The following MAP3K21 variants were observed in gnomAD, a reference collection of about 807,000 sequenced individuals.
MAP3K21 encodes mitogen-activated protein kinase kinase kinase MLK4.
In MAP3K21, 63 loss-of-function variants were observed where a neutral mutation model predicts 86.1. The observed-to-expected ratio is 0.73, with a 90% confidence interval of 0.60 to 0.90. The LOEUF (loss-of-function observed/expected upper bound fraction) is 0.90. Among genes scored for constraint, MAP3K21 ranks in the 40% least tolerant of loss-of-function variants. The probability of loss-of-function intolerance (pLI) is 0.00; values close to 1 mark genes in which losing one functional copy is unlikely to be tolerated. For synonymous variants in MAP3K21, 558 were observed against 564.8 expected (o/e 0.99, Z 0.17); for missense variants, 1,220 against 1,367.7 (o/e 0.89, Z 1.70).
Position 233,328,277 on chromosome 1 carries a change from C to T in MAP3K21, c.249C>T (p.Gly83=). 1 of 1,489,598 alleles carries T rather than the reference C, an allele frequency of 6.7e-7. No individual in the cohort carries two copies. Among genetic ancestry groups the T allele is most frequent in the Admixed American group, 2.2e-5 (1 of 44,892 alleles). The allele number at this position is 1,489,598 out of a possible 1,614,324, so 92.3% of individuals were successfully genotyped here. A position where few individuals can be genotyped will look rare whatever the true frequency, so the allele number is the denominator to read the frequency against. Reference sequence around the variant, plus strand: ...CGGGCGACGAGGGCTGGTGGGCAGGCCAGGTGCAGCGGCGCCTCGGCATCT... The same window carrying T: ...CGGGCGACGAGGGCTGGTGGGCAGGTCAGGTGCAGCGGCGCCTCGGCATCT... ...AVSGDEGWWA[G]QVQRRLGIFP... is the part of the protein sequence containing the mutation. The change falls in exon 1 of 10, where the codon GGC becomes GGT. Residue 83 remains glycine (G), a synonymous_variant. Transcript: ENST00000366624. This position sits in a 1 kb window ranked among gnomAD's most constrained non-coding sequence, Gnocchi z 8.7.
At chr1:233,332,162 G>T (rs1662817981) in intron 1 of MAP3K21, among the ~76,000 whole-genome samples, 2 of 152,100 alleles carry the variant, frequency 1.3e-5, no homozygotes, top group Admixed American at 1.3e-4. Flanking sequence ...GGGCCTCAGG[G>T]ACACTGGCAA....
chr1:233,332,302 A>G (rs1209527383), intron 1 of MAP3K21, among the ~76,000 whole-genome samples: 1 of 152,088 alleles, frequency 6.6e-6, no homozygotes, highest in Non-Finnish European at 1.5e-5. Flanking sequence ...AGGGGTGGAG[A>G]GTGGTAGAGT....
At chr1:233,355,795 T>G (rs575863792) in intron 4 of MAP3K21, among the ~76,000 whole-genome samples, 2 of 152,170 alleles carry the variant, frequency 1.3e-5, no homozygotes, top group African/African-American at 4.8e-5. Context: ...TTTTCTGCCC[T>G]AATCCCTGCC....
chr1:233,361,911 T>A, intron 4 of MAP3K21, 142 bp from the exon 5 acceptor site: 4 of 1,054,916 alleles, frequency 3.8e-6, no homozygotes. Context: ...TGACCAGGGC[T>A]TGAGCAGAGG....
Position 233,328,820 on chromosome 1 carries a change from C to G in MAP3K21, c.792C>G (p.Leu264=). ...EAFVPILHRD[L]KSSNILLLEK... The stretch of plus-strand genomic sequence containing the variant: ...TCGTGCCCATCCTGCACCGGGACCT[C>G]AAGTCCAGCAACAGTAAGTGGGGCC... The change falls in exon 1 of 10, where the codon CTC becomes CTG. Residue 264 remains leucine (L), a synonymous_variant. Transcript: ENST00000366624. This position sits in a 1 kb window ranked among gnomAD's most constrained non-coding sequence, Gnocchi z 8.7. 6.6e-7 allele frequency: 1 copy of G among 1,524,344 alleles called. No homozygotes were observed. The highest frequency in any genetic ancestry group is 8.8e-7 in the Non-Finnish European group (1 of 1,134,496). The allele number at this position is 1,524,344 out of a possible 1,614,324, so 94.4% of individuals were successfully genotyped here. A position where few individuals can be genotyped will look rare whatever the true frequency, so the allele number is the denominator to read the frequency against.
chr1:233,351,960 C>T (rs944874243), intron 2 of MAP3K21, among the ~76,000 whole-genome samples: 12 of 152,156 alleles, frequency 7.9e-5, no homozygotes, highest in Admixed American at 3.9e-4. Flanking sequence ...GCAATCACAG[C>T]GCACTGCAGC....
chr1:233,377,018 C>A (rs981381457), intron 8 of MAP3K21, among the ~76,000 whole-genome samples: 6 of 152,016 alleles, frequency 3.9e-5, no homozygotes, highest in Admixed American at 3.9e-4. Context: ...TCACTTGCAC[C>A]TGGGAGCCAG....
At chr1:233,361,828 T>C (rs2102758487) in intron 4 of MAP3K21, among the ~76,000 whole-genome samples, 1 of 152,306 alleles carries the variant, frequency 6.6e-6, no homozygotes, top group Non-Finnish European at 1.5e-5. Flanking sequence ...GTCATCTAAG[T>C]GAATAATCCG....
chr1:233,378,246 T>A (rs1348648229), intron 8 of MAP3K21, among the ~76,000 whole-genome samples: 1 of 152,256 alleles, frequency 6.6e-6, no homozygotes, highest in Non-Finnish European at 1.5e-5. Flanking sequence ...GTGATAAGAA[T>A]GTTAGCTTCC....
chr1:233,339,364 TCC>T (rs1662987879), intron 1 of MAP3K21, among the ~76,000 whole-genome samples: 1 of 73,598 alleles, frequency 1.4e-5, no homozygotes, highest in Non-Finnish European at 2.6e-5. Flanking sequence ...CTTCTCCTTC[TCC>T]TCCTTCTCCT....
At chr1:233,368,502 A>C (rs2102762315) in intron 5 of MAP3K21, among the ~76,000 whole-genome samples, 1 of 152,178 alleles carries the variant, frequency 6.6e-6, no homozygotes, top group South Asian at 2.1e-4. Context: ...AAAATATACA[A>C]AAATTAGCTG....
At chr1:233,341,704 G>T (rs1002439934) in intron 1 of MAP3K21, among the ~76,000 whole-genome samples, 14 of 152,064 alleles carry the variant, frequency 9.2e-5, no homozygotes, top group African/African-American at 3.4e-4. Flanking sequence ...CCTTTGCATC[G>T]CAAGGGCTGC....
chr1:233,341,287 T>C (rs1293854609), intron 1 of MAP3K21, among the ~76,000 whole-genome samples: 2 of 152,206 alleles, frequency 1.3e-5, no homozygotes, highest in Non-Finnish European at 2.9e-5. Flanking sequence ...CTGCCAACCA[T>C]GTGTCTTTAG....
At chr1:233,331,388 A>C (rs988325517) in intron 1 of MAP3K21, among the ~76,000 whole-genome samples, 83 of 152,352 alleles carry the variant, frequency 5.4e-4, no homozygotes, top group African/African-American at 1.9e-3. Context: ...TGTGCAAACC[A>C]TGGTGCCTCA....
At chr1:233,368,893 A>G (rs1418489955) in intron 5 of MAP3K21, among the ~76,000 whole-genome samples, 1 of 149,774 alleles carries the variant, frequency 6.7e-6, no homozygotes, top group African/African-American at 2.5e-5. Context: ...CAGTCTCTGC[A>G]CTCATGTTTC....
chr1:233,376,843 C>T (rs921388610), intron 8 of MAP3K21, among the ~76,000 whole-genome samples: 3 of 152,086 alleles, frequency 2.0e-5, no homozygotes, highest in Non-Finnish European at 4.4e-5. Flanking sequence ...TATAGACCCC[C>T]CTGAAAGTTC....
At chr1:233,380,603 C>G (rs1447489504) in intron 9 of MAP3K21, among the ~76,000 whole-genome samples, 2 of 152,182 alleles carry the variant, frequency 1.3e-5, no homozygotes, top group Non-Finnish European at 2.9e-5. Flanking sequence ...GATGTGGAAT[C>G]TCTGAAAGAA....
chr1:233,376,985 C>T (rs982777915), intron 8 of MAP3K21, among the ~76,000 whole-genome samples: 1 of 152,098 alleles, frequency 6.6e-6, no homozygotes, highest in Non-Finnish European at 1.5e-5. Flanking sequence ...ATCCCAGCTA[C>T]TCAGGAGGCT....
chr1:233,340,057 T>A (rs1031897530), intron 1 of MAP3K21, among the ~76,000 whole-genome samples: 2 of 152,188 alleles, frequency 1.3e-5, no homozygotes, highest in African/African-American at 4.8e-5. Context: ...TACAATTTAA[T>A]AAGATGAAAT....
Sources: allele counts gnomAD v4.1 joint callset (sites outside exome capture counted in the v4.1 genomes callset), GRCh38; gene constraint gnomAD v4.1.1; non-coding constraint Gnocchi (gnomAD v3.1); transcripts MANE v1.5; gene names NCBI Gene and HGNC (gene_info 2026-07-23, HGNC 2026-07-21).